CHRM3: variants seen among roughly 807,000 people sequenced by gnomAD.
CHRM3 encodes muscarinic acetylcholine receptor M3.
In CHRM3, 11 loss-of-function variants were observed where a neutral mutation model predicts 41.8. That is an observed-to-expected ratio of 0.26 (90% CI 0.17 to 0.44). The LOEUF is 0.44. Among genes scored for constraint, CHRM3 ranks in the 20% least tolerant of loss-of-function variants. The pLI is 1.00. For synonymous variants in CHRM3, 297 were observed against 301.4 expected, an observed-to-expected ratio of 0.99 and a Z score of 0.15; for missense variants, 571 against 745.4, an observed-to-expected ratio of 0.77 and a Z score of 2.72.
rs367567825 is a variant in CHRM3, at chr1:239,910,315, ATGTG to A, written c.*1093_*1096del. The A allele has an allele frequency of 2.0e-3, 313 of 157,208 alleles. 2 individuals are homozygous for A. The highest frequency in any genetic ancestry group is 6.3e-4 in the Admixed American group (9 of 14,364). 9.7% of individuals were successfully genotyped at this position (157,208 alleles called of 1,614,324 possible). A position where few individuals can be genotyped will look rare whatever the true frequency, so the allele number is the denominator to read the frequency against. On this transcript the variant is annotated 3_prime_UTR_variant, in exon 7 of 7. Coordinates refer to ENST00000676153, the MANE Select transcript of CHRM3 (RefSeq NM_001375978.1). ...ATGTCATACACAGCAATATATATAT[ATGTG>A]TATATATATATATATGGCAAAGCAA...
chr1:239,470,023 C>T (rs1666009247), intron 1 of CHRM3, among the ~76,000 whole-genome samples: 1 of 152,084 alleles, frequency 6.6e-6, no homozygotes, highest in South Asian at 2.1e-4. Context: ...CTGTGCCATT[C>T]GCCCTGTAGT....
intron 6 of CHRM3, among the ~76,000 whole-genome samples, chr1:239,829,979 A>C (rs1672769328): frequency 6.6e-6 from 1 of 152,218 alleles, no homozygotes; most frequent in Non-Finnish European, 1.5e-5. Context: ...GAATTTGAAA[A>C]ATACTTGATA....
chr1:239,560,729 T>G (rs1660776214), intron 3 of CHRM3, among the ~76,000 whole-genome samples: 1 of 152,144 alleles, frequency 6.6e-6, no homozygotes, highest in Non-Finnish European at 1.5e-5. Flanking sequence ...AATCTTTGAC[T>G]GTGTCTGGGT....
intron 4 of CHRM3, among the ~76,000 whole-genome samples, chr1:239,659,778 T>C (rs907950619): frequency 6.6e-6 from 1 of 152,164 alleles, no homozygotes; most frequent in Non-Finnish European, 1.5e-5. Context: ...CCAACATGTA[T>C]AGAGGAGAAG....
intron 5 of CHRM3, among the ~76,000 whole-genome samples, chr1:239,780,178 T>A (rs1286733359): frequency 1.3e-5 from 2 of 152,230 alleles, no homozygotes; most frequent in African/African-American, 4.8e-5. Context: ...ATAGTTAGAA[T>A]ATGTTTAGTT....
chr1:239,629,206 G>C (rs1194824503), intron 3 of CHRM3: 1 of 143,882 alleles, frequency 7.0e-6, no homozygotes, highest in Non-Finnish European at 1.5e-5. Flanking sequence ...GTCTCGTGGT[G>C]CGCCGTTTCT....
rs1363645046 is a variant in CHRM3 at position 239,679,167 on chromosome 1, C to T, written c.-147+879C>T. On this transcript the variant is annotated intron_variant, in intron 5 of 6. Transcript: ENST00000676153. ...ACTTTATTACAAGATTGATTGCTTA[C>T]TTGTATGCAACTTTTTAAAATATTA... 3.3e-5 allele frequency among the ~76,000 whole-genome samples: 5 copies of T among 152,216 alleles called. No homozygotes were observed. The East Asian group carries it at 9.7e-4, about 29-fold the overall frequency.
intron 6 of CHRM3, among the ~76,000 whole-genome samples, chr1:239,887,145 T>A (rs1274197526): frequency 1.7e-4 from 26 of 152,118 alleles, no homozygotes; most frequent in Admixed American, 1.7e-3. Context: ...CTTTTCTCCT[T>A]TTTTGAATGT....
At chr1:239,615,938 G>A (rs542495595) in intron 3 of CHRM3, among the ~76,000 whole-genome samples, 1 of 152,228 alleles carries the variant, frequency 6.6e-6, no homozygotes, top group Admixed American at 6.5e-5. Flanking sequence ...AGAGCTCAGC[G>A]CCTTCCTTCT....
Position 239,416,488 on chromosome 1 carries a change from T to A in CHRM3, c.-521+29261T>A, listed in dbSNP as rs1028298482. Among the ~76,000 whole-genome samples, 45 of 152,290 alleles carry A rather than the reference T, an allele frequency of 3.0e-4. 1 individual carries two copies. Among genetic ancestry groups the A allele is most frequent in the African/African-American group, 9.9e-4 (41 of 41,572 alleles). On this transcript the variant is annotated intron_variant, in intron 1 of 6. Transcript: ENST00000676153. ...AACAAGAATGAAATATACTTTTATC[T>A]TCTTTCCAATGAAAACATACTGGTC... is the stretch of plus-strand genomic sequence containing the variant.
intron 3 of CHRM3, among the ~76,000 whole-genome samples, chr1:239,616,444 C>T (rs1667645951): frequency 6.6e-6 from 1 of 152,146 alleles, no homozygotes; most frequent in Non-Finnish European, 1.5e-5. Context: ...GCCAGGGTGT[C>T]CTTGGTTCCA....
At chr1:239,806,443 C>CA (rs397945228) in intron 5 of CHRM3, among the ~76,000 whole-genome samples, 4,619 of 146,112 alleles carry the variant, frequency 0.032, 153 homozygotes, top group African/African-American at 0.077. Context: ...CACACACACA[C>CA]CCCTGTGGAC....
At chr1:239,521,663 A>G (rs942752188) in intron 2 of CHRM3, among the ~76,000 whole-genome samples, 3 of 152,178 alleles carry the variant, frequency 2.0e-5, no homozygotes, top group African/African-American at 7.2e-5. Flanking sequence ...TTCATTGCAT[A>G]ATTGGATGTG....
chr1:239,553,038 G>C (rs79618598), intron 3 of CHRM3, among the ~76,000 whole-genome samples: 11,652 of 151,970 alleles, frequency 0.077, 741 homozygotes, highest in African/African-American at 0.17. Flanking sequence ...CTCAATCGTC[G>C]CAAGTCTGCA....
chr1:239,510,524 T>A (rs1038067940), intron 2 of CHRM3, among the ~76,000 whole-genome samples: 2 of 151,976 alleles, frequency 1.3e-5, no homozygotes, highest in South Asian at 2.1e-4. Flanking sequence ...CTGGAGCAGA[T>A]ACTAACCCCT....
Position 239,579,201 on chromosome 1 carries a change from C to T in CHRM3, c.-313+33452C>T, listed in dbSNP as rs1168869265. ...CCTGGTTTTCTTATATTCCATATTT[C>T]CTTTGGTTACCAATCTACTAGCTCT... On this transcript the variant is annotated intron_variant, in intron 3 of 6. Transcript: ENST00000676153. Among the ~76,000 whole-genome samples, 10 of 152,222 alleles carry T rather than the reference C, an allele frequency of 6.6e-5. No individual in the cohort carries two copies. The East Asian group carries it at 1.9e-3, about 29-fold the overall frequency.
At chr1:239,887,801 G>A (rs1370472713) in intron 6 of CHRM3, among the ~76,000 whole-genome samples, 3 of 152,096 alleles carry the variant, frequency 2.0e-5, no homozygotes, top group South Asian at 2.1e-4. Flanking sequence ...GTATTCTGAA[G>A]CTAATAAAGC....
At chr1:239,517,612 T>A (rs1225855883) in intron 2 of CHRM3, among the ~76,000 whole-genome samples, 2 of 152,174 alleles carry the variant, frequency 1.3e-5, no homozygotes, top group Non-Finnish European at 1.5e-5. Context: ...GGTAGCCAGG[T>A]CAAAAGTATC....
At chr1:239,669,907 C>T (rs1674189742) in intron 4 of CHRM3, among the ~76,000 whole-genome samples, 1 of 151,982 alleles carries the variant, frequency 6.6e-6, no homozygotes, top group Admixed American at 6.6e-5. Context: ...TTTACATGGC[C>T]CTCCTTTCCC....
Sources: allele counts gnomAD v4.1 joint callset (sites outside exome capture counted in the v4.1 genomes callset), GRCh38; gene constraint gnomAD v4.1.1; transcripts MANE v1.5; gene names NCBI Gene and HGNC (gene_info 2026-07-23, HGNC 2026-07-21).